Variants in NRXN1 observed in about 807,000 individuals in gnomAD.
The protein encoded by NRXN1 is neurexin 1, also known as neurexin-1.
Under a neutral mutation model 150.9 loss-of-function variants are expected in NRXN1, and 39 were observed. That is an observed-to-expected ratio of 0.26 (90% CI 0.20 to 0.34). The LOEUF (loss-of-function observed/expected upper bound fraction) is 0.34. Among genes scored for constraint, NRXN1 ranks in the 10% least tolerant of loss-of-function variants. The pLI, the probability that NRXN1 is intolerant of heterozygous loss-of-function variation, is 1.00. For synonymous variants in NRXN1, 924 were observed against 757.0 expected (o/e 1.22, Z -3.62); for missense variants, 1,815 against 1,949.9 (o/e 0.93, Z 1.30).
At chr2:50,569,556 C>T (rs1164156572) in intron 8 of NRXN1, among the ~76,000 whole-genome samples, 1 of 151,850 alleles carries the variant, frequency 6.6e-6, no homozygotes, top group Non-Finnish European at 1.5e-5. Context: ...GTGTATAATA[C>T]ATATATAATA....
intron 16 of NRXN1, among the ~76,000 whole-genome samples, chr2:50,471,544 T>C (rs1358901173): frequency 1.3e-5 from 2 of 151,910 alleles, no homozygotes; most frequent in Non-Finnish European, 2.9e-5. Context: ...TCTGTAATTA[T>C]GCATTGCGCA....
chr2:50,447,554 A>T (rs2086538988), intron 17 of NRXN1, among the ~76,000 whole-genome samples: 1 of 145,782 alleles, frequency 6.9e-6, no homozygotes, highest in East Asian at 2.0e-4. Context: ...TCATATATAT[A>T]TACATATATA....
At chr2:50,139,324 C>CAAAAAAAAAAAA (rs35142652) in intron 18 of NRXN1, among the ~76,000 whole-genome samples, 1 of 77,404 alleles carries the variant, frequency 1.3e-5, no homozygotes, top group Non-Finnish European at 2.6e-5. Context: ...GACTTGGTAT[C>CAAAAAAAAAAAA]AAAAAAAAAA....
chr2:49,971,682 C>G (rs1253713505), intron 21 of NRXN1, among the ~76,000 whole-genome samples: 1 of 152,032 alleles, frequency 6.6e-6, no homozygotes, highest in Non-Finnish European at 1.5e-5. Context: ...AGGGAATTTG[C>G]CAAGTGAGGA....
intron 18 of NRXN1, among the ~76,000 whole-genome samples, chr2:50,221,511 G>A (rs2063887019): frequency 6.6e-6 from 1 of 151,840 alleles, no homozygotes; most frequent in Non-Finnish European, 1.5e-5. Flanking sequence ...CAATTTAAAA[G>A]TGCAATGAAA....
intron 15 of NRXN1, among the ~76,000 whole-genome samples, chr2:50,481,002 G>A (rs1437874584): frequency 6.6e-6 from 1 of 152,152 alleles, no homozygotes; most frequent in Non-Finnish European, 1.5e-5. Context: ...CACATATATT[G>A]TTATATCTGG....
chr2:50,521,852 G>A (rs114202713), intron 12 of NRXN1, among the ~76,000 whole-genome samples: 3,689 of 152,220 alleles, frequency 0.024, 66 homozygotes, highest in Non-Finnish European at 0.037. Flanking sequence ...ATTGGATCCA[G>A]CAACTGGATC....
intron 18 of NRXN1, among the ~76,000 whole-genome samples, chr2:50,155,300 A>G (rs2058947720): frequency 6.6e-6 from 1 of 151,608 alleles, no homozygotes; most frequent in Admixed American, 6.6e-5. Context: ...TCTATAGAGT[A>G]GTGTGGGTAA....
chr2:50,691,191 T>C (rs1480906279), intron 5 of NRXN1, among the ~76,000 whole-genome samples: 1 of 152,144 alleles, frequency 6.6e-6, no homozygotes, highest in African/African-American at 2.4e-5. Context: ...CCCTAAGTGA[T>C]GATTAGAAGT....
At chr2:51,003,064 G>C (rs545350754) in intron 2 of NRXN1, among the ~76,000 whole-genome samples, 1 of 151,816 alleles carries the variant, frequency 6.6e-6, no homozygotes, top group South Asian at 2.1e-4. Flanking sequence ...AGGAGAAATA[G>C]GAGGAAACAC....
chr2:50,426,225 G>A (rs1572926782), intron 17 of NRXN1, among the ~76,000 whole-genome samples: 1 of 152,146 alleles, frequency 6.6e-6, no homozygotes, highest in African/African-American at 2.4e-5. Flanking sequence ...AGCTGCAAGC[G>A]TTAAAGCTTA....
intron 17 of NRXN1, among the ~76,000 whole-genome samples, chr2:50,295,587 T>C (rs2073461306): frequency 6.6e-6 from 1 of 152,228 alleles, no homozygotes; most frequent in Non-Finnish European, 1.5e-5. Flanking sequence ...TTGTTCAATC[T>C]TGTTCTATAA....
intron 2 of NRXN1, among the ~76,000 whole-genome samples, chr2:50,961,449 T>C (rs1297228910): frequency 6.6e-6 from 1 of 151,796 alleles, no homozygotes; most frequent in African/African-American, 2.4e-5. Context: ...TGTACTATAC[T>C]GACCAAGGCT....
At chr2:50,677,850 C>G (rs2104774480) in intron 5 of NRXN1, among the ~76,000 whole-genome samples, 1 of 152,080 alleles carries the variant, frequency 6.6e-6, no homozygotes. Context: ...GTGGAGAGAA[C>G]CACAAGAGGC....
At chr2:50,575,117 G>A (rs898663033) in intron 8 of NRXN1, among the ~76,000 whole-genome samples, 4 of 152,222 alleles carry the variant, frequency 2.6e-5, no homozygotes, top group African/African-American at 9.6e-5. Context: ...ATTAAATGAT[G>A]TTTATGTCAC....
chr2:50,662,706 T>C (rs1241843802), intron 5 of NRXN1, among the ~76,000 whole-genome samples: 1 of 152,026 alleles, frequency 6.6e-6, no homozygotes, highest in Non-Finnish European at 1.5e-5. Context: ...ATCCCTTGTT[T>C]AGGGCATCAA....
intron 17 of NRXN1, among the ~76,000 whole-genome samples, chr2:50,416,186 G>A (rs1302630121): frequency 6.6e-6 from 1 of 152,052 alleles, no homozygotes; most frequent in East Asian, 1.9e-4. Flanking sequence ...GTACTATGGG[G>A]GAAAACAGAG....
intron 17 of NRXN1, among the ~76,000 whole-genome samples, chr2:50,391,317 G>A (rs990208920): frequency 6.6e-6 from 1 of 151,826 alleles, no homozygotes; most frequent in Non-Finnish European, 1.5e-5. Context: ...CATTAATATG[G>A]AATGGGAAGG....
intron 8 of NRXN1, among the ~76,000 whole-genome samples, chr2:50,596,068 G>A (rs570118512): frequency 6.6e-6 from 1 of 152,262 alleles, no homozygotes; most frequent in Middle Eastern, 3.4e-3. Flanking sequence ...TGATGGCACT[G>A]TTATGATCAG....
Sources: gnomAD v4.1 joint callset for allele counts (sites outside exome capture counted in the v4.1 genomes callset) on GRCh38, gnomAD v4.1.1 for gene constraint, MANE v1.5 for transcripts, NCBI Gene and HGNC (gene_info 2026-07-23, HGNC 2026-07-21) for gene names.